The following CCSER1 variants were observed in gnomAD, a reference collection of about 807,000 sequenced individuals.
CCSER1 encodes serine-rich coiled-coil domain-containing protein 1.
In CCSER1, 41 loss-of-function variants were observed where a neutral mutation model predicts 82.0. That is an observed-to-expected ratio of 0.50 (90% confidence interval 0.39 to 0.65). The LOEUF is 0.65. Ranked by LOEUF, CCSER1 falls within the 30% of genes least tolerant of loss-of-function variation. The pLI is 0.00. For missense variants in CCSER1, 1,119 were observed against 1,064.2 expected, an observed-to-expected ratio of 1.05 and a Z score of -0.72; for synonymous variants, 414 against 383.9, an observed-to-expected ratio of 1.08 and a Z score of -0.92.
chr4:91,518,562 G>T (rs951567339), intron 10 of CCSER1, among the ~76,000 whole-genome samples: 1 of 152,178 alleles, frequency 6.6e-6, no homozygotes, highest in African/African-American at 2.4e-5. Flanking sequence ...TCAGCCAGAG[G>T]GTGGGGCAGC....
chr4:91,197,440 G>T (rs73836871), intron 10 of CCSER1, among the ~76,000 whole-genome samples: 4,268 of 152,276 alleles, frequency 0.028, 199 homozygotes, highest in African/African-American at 0.098. Context: ...TGTTAGTAGT[G>T]TGGAGCCGCA....
chr4:91,370,737 A>G (rs1749980467), intron 10 of CCSER1, among the ~76,000 whole-genome samples: 1 of 152,102 alleles, frequency 6.6e-6, no homozygotes, highest in Admixed American at 6.6e-5. Context: ...GTATGGGTAC[A>G]TAGTGTTTAT....
intron 5 of CCSER1, among the ~76,000 whole-genome samples, chr4:90,555,370 A>T (rs1778007484): frequency 6.6e-6 from 1 of 152,252 alleles, no homozygotes; most frequent in African/African-American, 2.4e-5. Context: ...GTTAGAAAAT[A>T]TTCAGTTGCT....
intron 7 of CCSER1, among the ~76,000 whole-genome samples, chr4:90,785,700 A>C (rs1169128953): frequency 6.7e-6 from 1 of 148,262 alleles, no homozygotes; most frequent in African/African-American, 2.5e-5. Context: ...CTATACGTTT[A>C]ATTTGTATGT....
chr4:90,226,193 C>G (rs1286218537), intron 1 of CCSER1, among the ~76,000 whole-genome samples: 1 of 152,202 alleles, frequency 6.6e-6, no homozygotes, highest in African/African-American at 2.4e-5. Context: ...GCATGAATGG[C>G]CTATGTGAGA....
At chr4:91,248,416 C>T (rs1272806288) in intron 10 of CCSER1, among the ~76,000 whole-genome samples, 1 of 152,116 alleles carries the variant, frequency 6.6e-6, no homozygotes, top group Non-Finnish European at 1.5e-5. Flanking sequence ...GTCAGGTGAG[C>T]AATGTCAACA....
At chr4:90,549,588 C>T (rs1186319176) in intron 5 of CCSER1, among the ~76,000 whole-genome samples, 5 of 151,854 alleles carry the variant, frequency 3.3e-5, no homozygotes, top group African/African-American at 9.7e-5. Flanking sequence ...GTACCATATG[C>T]GTATATAGAA....
intron 1 of CCSER1, among the ~76,000 whole-genome samples, chr4:90,301,616 T>C (rs927524759): frequency 4.6e-5 from 7 of 152,086 alleles, no homozygotes; most frequent in African/African-American, 1.7e-4. Context: ...TTTTTCAAAA[T>C]AAAATAACGT....
intron 10 of CCSER1, among the ~76,000 whole-genome samples, chr4:91,237,557 G>GTAA (rs1739112742): frequency 6.6e-6 from 1 of 152,086 alleles, no homozygotes; most frequent in Non-Finnish European, 1.5e-5. Context: ...TATGTAGCAT[G>GTAA]TAATATCTCA....
At chr4:91,067,844 C>CTCTA (rs1477510029) in intron 9 of CCSER1, among the ~76,000 whole-genome samples, 1 of 152,174 alleles carries the variant, frequency 6.6e-6, no homozygotes, top group Non-Finnish European at 1.5e-5. Flanking sequence ...GTAACTAGTC[C>CTCTA]TCTAAGCAGT....
rs887909853 is a variant in CCSER1, at chr4:91,559,710, A to G, written c.2218-38862A>G. On this transcript the variant is annotated intron_variant, in intron 10 of 10. Transcript: ENST00000509176. ...TAAATTATTAAAATAATAATTTCCA[A>G]TTACAAAGAGGTATATTATTCTCAT... 4.0e-5 allele frequency among the ~76,000 whole-genome samples: 6 copies of G among 151,610 alleles called. No homozygotes were observed. The Admixed American group carries it at 4.0e-4, about 10-fold the overall frequency.
At chr4:91,423,163 C>T (rs548151635) in intron 10 of CCSER1, among the ~76,000 whole-genome samples, 2 of 151,866 alleles carry the variant, frequency 1.3e-5, no homozygotes, top group African/African-American at 4.8e-5. Flanking sequence ...CTGTGGCTCA[C>T]GCCTGTAGTC....
intron 10 of CCSER1, among the ~76,000 whole-genome samples, chr4:91,560,010 A>G (rs1439865248): frequency 6.6e-6 from 1 of 151,506 alleles, no homozygotes; most frequent in Non-Finnish European, 1.5e-5. Flanking sequence ...TACATGTGTC[A>G]TCAATTGACA....
chr4:91,571,126 C>T (rs975515815), intron 10 of CCSER1, among the ~76,000 whole-genome samples: 2 of 152,160 alleles, frequency 1.3e-5, no homozygotes, highest in African/African-American at 4.8e-5. Context: ...ACTTCATTGT[C>T]CATATCACCA....
At chr4:90,427,406 G>T (rs1757673106) in intron 4 of CCSER1, among the ~76,000 whole-genome samples, 1 of 151,198 alleles carries the variant, frequency 6.6e-6, no homozygotes, top group Admixed American at 6.6e-5. Context: ...TAAAATGGAA[G>T]GATTTGAAGG....
rs533395263 is a variant in CCSER1, at chr4:90,370,812, G to A, written c.1510-29224G>A. ...ATTCTGCAGATTTAAAGGTCCTACC[G>A]TTTTTTATTGTTATTTTTATTACTT... is the stretch of plus-strand genomic sequence containing the variant. On this transcript the variant is annotated intron_variant, in intron 3 of 10. Transcript: ENST00000509176. Among the ~76,000 whole-genome samples, 17 of 152,070 alleles carry A rather than the reference G, an allele frequency of 1.1e-4. 1 individual carries two copies. In the East Asian group the frequency reaches 2.1e-3, roughly 19 times the overall value.
intron 10 of CCSER1, among the ~76,000 whole-genome samples, chr4:91,117,339 G>C (rs1449468606): frequency 6.6e-6 from 1 of 152,154 alleles, no homozygotes; most frequent in Non-Finnish European, 1.5e-5. Context: ...TTCAAATCTA[G>C]ACTTTACCTC....
rs144481043 is a variant in CCSER1, at chr4:90,726,813, A to AAAATCTGG, written c.2010+2826_2010+2833dup. 6.2e-3 allele frequency among the ~76,000 whole-genome samples: 950 copies of AAAATCTGG among 152,250 alleles called. 11 individuals are homozygous for AAAATCTGG. Among genetic ancestry groups the AAAATCTGG allele is most frequent in the African/African-American group, 0.022 (898 of 41,558 alleles). On this transcript the variant is annotated intron_variant, in intron 7 of 10. Transcript: ENST00000509176. Reference sequence around the variant, plus strand: ...ATCCAACTTTGTCTTAAACAATTGAAAAATCTGGAAACTTTGTGGATCTCG... The same window carrying AAAATCTGG: ...ATCCAACTTTGTCTTAAACAATTGAAAAATCTGGAAATCTGGAAACTTTGTGGATCTCG...
intron 9 of CCSER1, among the ~76,000 whole-genome samples, chr4:90,957,609 A>T (rs1733644777): frequency 8.6e-6 from 1 of 116,954 alleles, no homozygotes; most frequent in Non-Finnish European, 1.7e-5. Flanking sequence ...TATATATAAT[A>T]TATATTATAT....
Sources: gnomAD v4.1 joint callset for allele counts (sites outside exome capture counted in the v4.1 genomes callset) on GRCh38, gnomAD v4.1.1 for gene constraint, MANE v1.5 for transcripts, NCBI Gene and HGNC (gene_info 2026-07-23, HGNC 2026-07-21) for gene names.